Variants in SOX5 observed in about 807,000 individuals in gnomAD.
SOX5 encodes transcription factor SOX-5.
In SOX5, 9 loss-of-function variants were observed where a neutral mutation model predicts 92.0. The observed-to-expected ratio is 0.10, with a 90% confidence interval of 0.06 to 0.17. The LOEUF is 0.17. Among genes scored for constraint, SOX5 ranks in the 10% least tolerant of loss-of-function variants. The probability of loss-of-function intolerance (pLI) is 1.00; values close to 1 mark genes in which losing one functional copy is unlikely to be tolerated. For missense variants in SOX5, 642 were observed against 944.5 expected (o/e 0.68, Z 4.20); for synonymous variants, 344 against 336.3 (o/e 1.02, Z -0.25).
At chr12:23,898,823 G>C (rs1390454218) in intron 1 of SOX5, among the ~76,000 whole-genome samples, 1 of 152,020 alleles carries the variant, frequency 6.6e-6, no homozygotes, top group African/African-American at 2.4e-5. Flanking sequence ...TCAATGCATT[G>C]GCCTTGAAAG....
At chr12:23,923,777 G>C (rs922448213) in intron 1 of SOX5, among the ~76,000 whole-genome samples, 1 of 151,946 alleles carries the variant, frequency 6.6e-6, no homozygotes, top group African/African-American at 2.4e-5. Flanking sequence ...AGCTGATCAT[G>C]ATTACGTGAT....
chr12:23,954,146 AG>A (rs1260429061), upstream of SOX5, among the ~76,000 whole-genome samples: 1 of 152,048 alleles, frequency 6.6e-6, no homozygotes, highest in Non-Finnish European at 1.5e-5. Context: ...AGAATCATTA[AG>A]TATCTTCTAT....
At chr12:23,908,126 G>A (rs2097312796) in intron 1 of SOX5, among the ~76,000 whole-genome samples, 1 of 152,064 alleles carries the variant, frequency 6.6e-6, no homozygotes, top group Non-Finnish European at 1.5e-5. Flanking sequence ...TCTGTGGCAT[G>A]TTTAATTTAT....
At chr12:24,406,294 A>T in intron 1 of SOX5, among the ~76,000 whole-genome samples, 1 of 152,136 alleles carries the variant, frequency 6.6e-6, no homozygotes, top group Non-Finnish European at 1.5e-5. Flanking sequence ...GCGCTGAAGG[A>T]GAAGCCCTGC....
At chr12:23,999,792 A>G (rs10842255) in intron 4 of SOX5, among the ~76,000 whole-genome samples, 1 of 151,748 alleles carries the variant, frequency 6.6e-6, no homozygotes, top group East Asian at 1.9e-4. Flanking sequence ...CCTTCAAAAA[A>G]TGAAGGAGAA....
intron 1 of SOX5, among the ~76,000 whole-genome samples, chr12:24,519,873 G>A (rs1950114468): frequency 6.6e-6 from 1 of 151,984 alleles, no homozygotes. Flanking sequence ...ACTAGACTGA[G>A]GCACATTACA....
chr12:23,604,625 T>C, intron 8 of SOX5, 92 bp from the exon 9 acceptor site: 1 of 1,266,960 alleles, frequency 7.9e-7, no homozygotes, highest in Non-Finnish European at 1.1e-6. Flanking sequence ...AGATATGGTA[T>C]TTTTCCTATG....
intron 4 of SOX5, among the ~76,000 whole-genome samples, chr12:24,003,505 T>C (rs1042670867): frequency 2.0e-5 from 3 of 151,978 alleles, no homozygotes; most frequent in Non-Finnish European, 4.4e-5. Flanking sequence ...TACTTCTATA[T>C]ACTAGCAATG....
In SOX5 at chr12:24,507,015, T is replaced by C. The variant is rs113806164; in HGVS notation, c.-251+55314A>G. Among the ~76,000 whole-genome samples the C allele has an allele frequency of 5.3e-3, 802 of 151,674 alleles. 8 individuals are homozygous for C. The highest frequency in any genetic ancestry group is 0.017 in the African/African-American group (688 of 41,338). ...CCTTGTTAGCCAGGATGGTCTCGAT[T>C]TCCTGACCTCGTGATCCGCCCGCCT... On this transcript the variant is annotated intron_variant, in intron 1 of 4. Coordinates refer to the SOX5 transcript ENST00000446891.
chr12:23,887,787 CTTTT>C (rs531092634), intron 2 of SOX5, among the ~76,000 whole-genome samples: 43 of 152,008 alleles, frequency 2.8e-4, no homozygotes, highest in Non-Finnish European at 5.2e-4. Flanking sequence ...ATTTTTTTCC[CTTTT>C]TTTAACTTTC....
At chr12:23,735,359 T>C (rs1163655049) in intron 5 of SOX5, among the ~76,000 whole-genome samples, 1 of 152,174 alleles carries the variant, frequency 6.6e-6, no homozygotes, top group Non-Finnish European at 1.5e-5. Flanking sequence ...GAAGTGTTTT[T>C]CAGTTGTCGT....
chr12:24,031,282 T>C (rs1955483610), intron 4 of SOX5, among the ~76,000 whole-genome samples: 1 of 151,700 alleles, frequency 6.6e-6, no homozygotes, highest in Non-Finnish European at 1.5e-5. Context: ...TTATTCACAA[T>C]AGCCAAGATA....
At chr12:23,787,509 G>A (rs749680250) in intron 3 of SOX5, among the ~76,000 whole-genome samples, 1 of 151,776 alleles carries the variant, frequency 6.6e-6, no homozygotes, top group South Asian at 2.1e-4. Context: ...CATTTTCTTC[G>A]ATCCAAAATT....
intron 4 of SOX5, among the ~76,000 whole-genome samples, chr12:23,977,708 T>C (rs1420674828): frequency 4.0e-5 from 6 of 149,272 alleles, no homozygotes; most frequent in African/African-American, 1.2e-4. Context: ...AGATTGAAAG[T>C]GTTGGAAACA....
chr12:23,757,842 C>T (rs958772230), intron 3 of SOX5, among the ~76,000 whole-genome samples: 1 of 151,636 alleles, frequency 6.6e-6, no homozygotes, highest in African/African-American at 2.4e-5. Flanking sequence ...GTAGTGTGCT[C>T]ATAAAGAAAC....
intron 4 of SOX5, among the ~76,000 whole-genome samples, chr12:24,012,424 C>T (rs941400567): frequency 6.6e-6 from 1 of 152,080 alleles, no homozygotes; most frequent in Admixed American, 6.5e-5. Context: ...CTACTGTCTA[C>T]AATTTTCAAT....
intron 4 of SOX5, among the ~76,000 whole-genome samples, chr12:24,180,803 A>G (rs963276003): frequency 1.3e-5 from 2 of 152,240 alleles, no homozygotes; most frequent in South Asian, 2.1e-4. Flanking sequence ...CATTTTTATG[A>G]GAATTTCAAC....
At chr12:24,179,969 A>G (rs771120070) in intron 4 of SOX5, among the ~76,000 whole-genome samples, 1 of 151,296 alleles carries the variant, frequency 6.6e-6, no homozygotes, top group Non-Finnish European at 1.5e-5. Context: ...AAGAAAAGTT[A>G]TGGGACCTCA....
At chr12:23,636,696 T>C (rs2079292065) in intron 8 of SOX5, among the ~76,000 whole-genome samples, 1 of 152,204 alleles carries the variant, frequency 6.6e-6, no homozygotes, top group Non-Finnish European at 1.5e-5. Flanking sequence ...TCATTATGAA[T>C]CCTGCTACTT....
Sources: gnomAD v4.1 joint callset for allele counts (sites outside exome capture counted in the v4.1 genomes callset) on GRCh38, gnomAD v4.1.1 for gene constraint, MANE v1.5 for transcripts, NCBI Gene and HGNC (gene_info 2026-07-23, HGNC 2026-07-21) for gene names.